CCDC7: variants seen among roughly 807,000 people sequenced by gnomAD.
CCDC7 encodes coiled-coil domain containing 7, also known as coiled-coil domain-containing protein 7.
CCDC7 carries 183 observed loss-of-function variants against 196.9 expected under a neutral mutation model. The observed-to-expected ratio is 0.93, with a 90% CI of 0.82 to 1.05. The LOEUF is 1.05. CCDC7 is among the 50% of genes least tolerant of loss of function. The pLI, the probability that CCDC7 is intolerant of heterozygous loss-of-function variation, is 0.00. For synonymous variants in CCDC7, 525 were observed against 484.6 expected, an observed-to-expected ratio of 1.08 and a Z score of -1.10; for missense variants, 1,540 against 1,482.2, an observed-to-expected ratio of 1.04 and a Z score of -0.64.
chr10:32,803,900 T>C (rs1307217592), intron 29 of CCDC7, among the ~76,000 whole-genome samples: 4 of 152,164 alleles, frequency 2.6e-5, no homozygotes, highest in African/African-American at 4.8e-5. Flanking sequence ...GGTTTGGATG[T>C]TTGTCGCCTC....
rs868228881 is a variant in CCDC7, at chr10:32,459,673, T to G, written c.457-3010T>G. 4.9e-3 allele frequency among the ~76,000 whole-genome samples: 671 copies of G among 135,798 alleles called. 3 individuals are homozygous for G. The highest frequency in any genetic ancestry group is 0.017 in the African/African-American group (641 of 37,916). 89.1% of individuals were successfully genotyped at this position (135,798 alleles called of 152,430 possible). A position where few individuals can be genotyped will look rare whatever the true frequency, so the allele number is the denominator to read the frequency against. ...TTTTTTTTTTTTTTTTTTTTTTTTTTGCTGTTAGCACTCTTCAAATACCCT... is the reference window on the plus strand; with the variant it reads ...TTTTTTTTTTTTTTTTTTTTTTTTTGGCTGTTAGCACTCTTCAAATACCCT... On this transcript the variant is annotated intron_variant, in intron 3 of 41. Coordinates refer to ENST00000639629, the Ensembl canonical transcript of CCDC7.
intron 21 of CCDC7, among the ~76,000 whole-genome samples, chr10:32,667,191 C>A (rs2072972326): frequency 6.6e-6 from 1 of 152,086 alleles, no homozygotes; most frequent in South Asian, 2.1e-4. Flanking sequence ...CTGTTCATAT[C>A]CTTTGCCCAC....
chr10:32,848,788 T>C (rs924234534), intron 39 of CCDC7, 70 bp downstream of exon 40: 2 of 1,190,340 alleles, frequency 1.7e-6, no homozygotes, highest in African/African-American at 1.5e-5. Context: ...GTATGCTTTT[T>C]CATTTACTCT....
chr10:32,725,635 T>C (rs1356851897), intron 25 of CCDC7, among the ~76,000 whole-genome samples: 2 of 152,122 alleles, frequency 1.3e-5, no homozygotes, highest in East Asian at 3.9e-4. Context: ...CCAACATCTG[T>C]TCAGCTTCTG....
intron 8 of CCDC7, among the ~76,000 whole-genome samples, chr10:32,480,203 C>T (rs2039713409): frequency 6.6e-6 from 1 of 151,842 alleles, no homozygotes; most frequent in East Asian, 1.9e-4. Flanking sequence ...TACTTCTGCG[C>T]TAATCTCTTA....
intron 15 of CCDC7, 26 bp from the exon 17 acceptor site, chr10:32,571,833 T>TA: frequency 6.6e-7 from 1 of 1,525,336 alleles, no homozygotes; most frequent in Non-Finnish European, 8.8e-7. Context: ...TTGATATTTT[T>TA]AAATGTAGTA....
intron 25 of CCDC7, among the ~76,000 whole-genome samples, chr10:32,718,250 A>G (rs565012097): frequency 2.0e-5 from 3 of 152,350 alleles, no homozygotes; most frequent in Admixed American, 6.5e-5. Flanking sequence ...AATAAATGCC[A>G]TCAGTCACAT....
chr10:32,496,541 T>C (rs2042943664), intron 9 of CCDC7, among the ~76,000 whole-genome samples: 1 of 152,176 alleles, frequency 6.6e-6, no homozygotes, highest in Non-Finnish European at 1.5e-5. Context: ...CATAAATAGC[T>C]CTTATTATTT....
chr10:32,462,339 C>G (rs1310080285), intron 3 of CCDC7, among the ~76,000 whole-genome samples: 1 of 152,164 alleles, frequency 6.6e-6, no homozygotes, highest in South Asian at 2.1e-4. Context: ...GCAAGAGGAT[C>G]ACTTGAGCCC....
intron 28 of CCDC7, among the ~76,000 whole-genome samples, chr10:32,751,281 C>T (rs1384795776): frequency 1.3e-5 from 2 of 152,030 alleles, no homozygotes; most frequent in East Asian, 3.9e-4. Context: ...AAAATTAGTC[C>T]TTCTTGCCTC....
intron 24 of CCDC7, among the ~76,000 whole-genome samples, chr10:32,705,551 A>C (rs1316265945): frequency 1.3e-5 from 2 of 152,150 alleles, no homozygotes; most frequent in African/African-American, 4.8e-5. Context: ...AAGACCCATC[A>C]GTGTGCTATA....
At chr10:32,548,202 C>A (rs1447850696) in intron 13 of CCDC7, among the ~76,000 whole-genome samples, 1 of 152,128 alleles carries the variant, frequency 6.6e-6, no homozygotes, top group Non-Finnish European at 1.5e-5. Context: ...GTGCAGGTAG[C>A]CCCTACTGCT....
chr10:32,455,660 A>G (rs1467458385), intron 2 of CCDC7, among the ~76,000 whole-genome samples: 3 of 152,202 alleles, frequency 2.0e-5, no homozygotes, highest in African/African-American at 7.2e-5. Context: ...TTCTTCATGG[A>G]GAACCACTCT....
At chr10:32,594,072 C>G (rs2060057737) in intron 18 of CCDC7, among the ~76,000 whole-genome samples, 1 of 152,038 alleles carries the variant, frequency 6.6e-6, no homozygotes, top group Non-Finnish European at 1.5e-5. Flanking sequence ...GTAGTTTTTT[C>G]CAATTCTGTG....
rs1014866220 is a variant in CCDC7 at position 32,743,241 on chromosome 10, T to G, written c.2905+13784T>G. On this transcript the variant is annotated intron_variant, in intron 28 of 41. Transcript: ENST00000639629. ...TAGTTTTTAAGAAACAGCCACTTTT[T>G]GATGGGGTTGTTTGTTTTTTTCTTG... Among the ~76,000 whole-genome samples the G allele has an allele frequency of 2.0e-5, 3 of 152,340 alleles. No individual in the cohort carries two copies. In the East Asian group the frequency reaches 5.8e-4, roughly 29 times the overall value.
intron 9 of CCDC7, chr10:32,513,082 G>A (rs929982897): frequency 2.0e-5 from 3 of 151,980 alleles, no homozygotes; most frequent in Non-Finnish European, 2.9e-5. Flanking sequence ...CGGGAAAGGA[G>A]TACAATGTGC....
At chr10:32,711,555 G>C in intron 24 of CCDC7, 65 bp from the exon 26 acceptor site, 4 of 964,908 alleles carry the variant, frequency 4.1e-6, no homozygotes, top group Non-Finnish European at 4.7e-6. Context: ...TTATAAATTT[G>C]AACTCTAGGA....
intron 13 of CCDC7, among the ~76,000 whole-genome samples, chr10:32,561,016 C>T (rs985874581): frequency 7.0e-6 from 1 of 142,992 alleles, no homozygotes; most frequent in Non-Finnish European, 1.5e-5. Context: ...GCAGGGATTG[C>T]AATCCTAGTC....
At chr10:32,734,329 A>C (rs774493082) in intron 28 of CCDC7, among the ~76,000 whole-genome samples, 1 of 152,204 alleles carries the variant, frequency 6.6e-6, no homozygotes, top group Non-Finnish European at 1.5e-5. Flanking sequence ...TACTTAGCAA[A>C]CTAATGCAGG....
Sources: allele counts gnomAD v4.1 joint callset (sites outside exome capture counted in the v4.1 genomes callset), GRCh38; gene constraint gnomAD v4.1.1; transcripts MANE v1.5; gene names NCBI Gene and HGNC (gene_info 2026-07-23, HGNC 2026-07-21).